The following KRTAP16-1 variants were observed in gnomAD, a reference collection of about 807,000 sequenced individuals.
The protein encoded by KRTAP16-1 is keratin associated protein 16-1.
For missense variants in KRTAP16-1, 675 were observed against 657.7 expected (o/e 1.03, Z -0.29); for synonymous variants, 262 against 248.0 (o/e 1.06, Z -0.53).
At position 41,308,005 on chromosome 17, in the gene KRTAP16-1, T is replaced by C. The variant is rs2016927163; in HGVS notation, c.1249A>G (p.Thr417Ala). 1.2e-5 allele frequency: 18 copies of C among 1,550,540 alleles called. No homozygotes were observed. The highest frequency in any genetic ancestry group is 1.5e-5 in the Non-Finnish European group (17 of 1,146,972). Residue 417 changes from threonine to alanine, a missense_variant, in exon 1 of 1, where the codon ACA (threonine) becomes GCA (alanine). Coordinates refer to ENST00000391352, the MANE Select transcript of KRTAP16-1 (RefSeq NM_001146182.2). ...CAGGCAGGACGGTAGGAGATGGATGTCATGTATGGCTGCCTATAGGTGAGG... is the reference window on the plus strand; with the variant it reads ...CAGGCAGGACGGTAGGAGATGGATGCCATGTATGGCTGCCTATAGGTGAGG... ...GLLTYRQPYM[T>A]SISYRPACYR...
chr17:41,308,303 G>A lies in KRTAP16-1; in HGVS notation c.951C>T (p.Ser317=), dbSNP rs1598076433. The stretch of plus-strand genomic sequence containing the variant: ...ACACACAGACAGCTGGTGAGCAGGG[G>A]CTGGGCTCAGAGCAGATGGGTTGGC... ...SICQPICSEP[S]PCSPAVCVSS... is the part of the protein sequence containing the mutation. Residue 317 remains serine (S), a synonymous_variant, in exon 1 of 1, where the codon AGC becomes AGT. Coordinates refer to ENST00000391352, the MANE Select transcript of KRTAP16-1 (RefSeq NM_001146182.2). The A allele has an allele frequency of 1.3e-6, 2 of 1,550,754 alleles. No homozygotes were observed. The highest frequency in any genetic ancestry group is 1.7e-6 in the Non-Finnish European group (2 of 1,147,008).
In KRTAP16-1 at chr17:41,307,726, C is replaced by T; in HGVS notation, c.1528G>A (p.Ala510Thr). 6.5e-7 allele frequency: 1 copy of T among 1,531,404 alleles called. No individual in the cohort carries two copies. Among genetic ancestry groups the T allele is most frequent in the Non-Finnish European group, 8.8e-7 (1 of 1,137,566 alleles). The allele number at this position is 1,531,404 out of a possible 1,614,324, so 94.9% of individuals were successfully genotyped here. A position where few individuals can be genotyped will look rare whatever the true frequency, so the allele number is the denominator to read the frequency against. The change falls in exon 1 of 1, where the codon GCT (alanine) becomes ACT (threonine). Residue 510 changes from alanine to threonine, a missense_variant. Transcript: ENST00000391352. ...TAGCAGTTGGCAGGCTTGCTGGCAG[C>T]AGGCTGAGCTGCTGCGGCCTCACGG... ...TTREAAAAQP[A>T]ASKPANC
In KRTAP16-1 at chr17:41,308,665, T is replaced by C; in HGVS notation, c.589A>G (p.Ser197Gly). 6.4e-7 allele frequency: 1 copy of C among 1,550,750 alleles called. No homozygotes were observed. The highest frequency in any genetic ancestry group is 8.7e-7 in the Non-Finnish European group (1 of 1,147,042). ...TSCQPVLCKS[S>G]CCQPVVCEPS... ...TCACAGACAACTGGCTGGCAGCAGC[T>C]GGATTTGCAGAGGACAGGCTGGCAG... Residue 197 changes from serine to glycine, a missense_variant, in exon 1 of 1, where the codon AGC (serine) becomes GGC (glycine). Physicochemically the swap from Ser to Gly is moderately conservative, Grantham distance 56. Transcript: ENST00000391352.
At position 41,308,036 on chromosome 17, in the gene KRTAP16-1, A is replaced by G. The variant is rs1176056440; in HGVS notation, c.1218T>C (p.Ser406=). The G allele has an allele frequency of 1.3e-6, 2 of 1,550,586 alleles. No individual in the cohort carries two copies. The highest frequency in any genetic ancestry group is 1.7e-6 in the Non-Finnish European group (2 of 1,147,014). Residue 406 remains serine (S), a synonymous_variant, in exon 1 of 1, where the codon TCT becomes TCC. Transcript: ENST00000391352. ...VSRPICRPIC[S]GLLTYRQPYM... ...ATGGCTGCCTATAGGTGAGGAGTCC[A>G]GAGCAGATTGGGCGGCAGATCGGAC...
At position 41,308,388 on chromosome 17, in the gene KRTAP16-1, C is replaced by A; in HGVS notation, c.866G>T (p.Cys289Phe). 1 of 1,550,558 alleles carries A rather than the reference C, an allele frequency of 6.4e-7. No homozygotes were observed. Among genetic ancestry groups the A allele is most frequent in the Non-Finnish European group, 8.7e-7 (1 of 1,146,960 alleles). ...LRPVCCVQSSCEPPSVPSTCQ... is the reference protein window; with the variant it reads ...LRPVCCVQSSFEPPSVPSTCQ... ...AGTGCTGGGGACAGAAGGTGGCTCG[C>A]ACGAGCTCTGAACACAGCAGACAGG... The change falls in exon 1 of 1, where the codon TGC becomes TTC. Residue 289 changes from cysteine (C) to phenylalanine (F), a missense_variant. Transcript: ENST00000391352.
In KRTAP16-1 at chr17:41,308,961, G is replaced by A. The variant is rs551455313; in HGVS notation, c.293C>T (p.Thr98Ile). 2.0e-5 allele frequency: 31 copies of A among 1,550,212 alleles called. No homozygotes were observed. The highest frequency in any genetic ancestry group is 1.8e-4 in the African/African-American group (13 of 73,030). The change falls in exon 1 of 1, where the codon ACC (threonine) becomes ATC (isoleucine). Residue 98 changes from threonine to isoleucine, a missense_variant. By Grantham distance (89) the Thr-to-Ile change is moderately conservative. Transcript: ENST00000391352. ...GCQPVCCEAT[T>I]CEPSCSVSNC... ...GCTCACAGAGCAAGAAGGCTCACAG[G>A]TGGTGGCCTCACAGCACACGGGTTG...
chr17:41,307,811 C>T lies in KRTAP16-1; in HGVS notation c.1443G>A (p.Val481=). The T allele has an allele frequency of 6.4e-7, 1 of 1,550,742 alleles. No individual in the cohort carries two copies. Among genetic ancestry groups the T allele is most frequent in the Non-Finnish European group, 8.7e-7 (1 of 1,147,014 alleles). Residue 481 remains valine (V), a synonymous_variant, in exon 1 of 1, where the codon GTG becomes GTA. Transcript: ENST00000391352. ...GGCAGGGAGCCTCTTCTGAGACATCCACCTTGCAGGGGGTTGTGTCAACAC... is the reference window on the plus strand; with the variant it reads ...GGCAGGGAGCCTCTTCTGAGACATCTACCTTGCAGGGGGTTGTGTCAACAC... ...LDCVDTTPCK[V]DVSEEAPCQP...
rs1567653643 is a variant in KRTAP16-1, at chr17:41,309,089, C to A, written c.165G>T (p.Gly55=). The A allele has an allele frequency of 1.9e-6, 3 of 1,550,634 alleles. No homozygotes were observed. Among genetic ancestry groups the A allele is most frequent in the Non-Finnish European group, 2.6e-6 (3 of 1,146,998 alleles). ...GACAGGAGGGCTGACGGCACTGTGG[C>A]CCACAGCTGGATGATCCACAGCTGT... ...CQDSCGSSSC[G]PQCRQPSCPV... is the part of the protein sequence containing the mutation. Residue 55 remains glycine, a synonymous_variant, in exon 1 of 1, where the codon GGG becomes GGT. Transcript: ENST00000391352.
Position 41,309,304 on chromosome 17 carries a change from C to A in KRTAP16-1, c.-51G>T. 1 of 1,317,182 alleles carries A rather than the reference C, an allele frequency of 7.6e-7. No homozygotes were observed. The highest frequency in any genetic ancestry group is 1.0e-6 in the Non-Finnish European group (1 of 967,818). The allele number at this position is 1,317,182 out of a possible 1,614,324, so 81.6% of individuals were successfully genotyped here. A position where few individuals can be genotyped will look rare whatever the true frequency, so the allele number is the denominator to read the frequency against. On this transcript the variant is annotated 5_prime_UTR_variant, in exon 1 of 1. Transcript: ENST00000391352. ...GCTGAGTGCTGAGAGGTTGCTGCCT[C>A]ACTGTGACAGCTCCCTGAGGCCCTC...
Position 41,308,880 on chromosome 17 carries a change from A to G in KRTAP16-1, c.374T>C (p.Val125Ala), listed in dbSNP as rs2016945889. 1 of 1,548,578 alleles carries G rather than the reference A, an allele frequency of 6.5e-7. No homozygotes were observed. Among genetic ancestry groups the G allele is most frequent in the Non-Finnish European group, 8.7e-7 (1 of 1,145,224 alleles). ...EATICEPSCS[V>A]SNCCQPVCFE... is the part of the protein sequence containing the mutation. ...GCACACAGGTTGGCAGCAGTTGCTC[A>G]CTGAGCAAGAAGGCTCACAGATGGT... Residue 125 changes from valine (V) to alanine (A), a missense_variant, in exon 1 of 1, where the codon GTG (valine) becomes GCG (alanine). By Grantham distance (64) the Val-to-Ala change is moderately conservative. Transcript: ENST00000391352.
At position 41,308,146 on chromosome 17, in the gene KRTAP16-1, G is replaced by A. The variant is rs566501973; in HGVS notation, c.1108C>T (p.Arg370Ter). 30 of 1,550,592 alleles carry A rather than the reference G, an allele frequency of 1.9e-5. No homozygotes were observed. The highest frequency in any genetic ancestry group is 7.3e-5 in the East Asian group (3 of 40,920). ...SPGSSASAIC[R>*]PTCPRTFYIP... is the part of the protein sequence containing the mutation. ...TAGAAAGTCCTAGGACAAGTTGGTCGGCAGATGGCAGATGCAGAAGACCCT... is the reference window on the plus strand; with the variant it reads ...TAGAAAGTCCTAGGACAAGTTGGTCAGCAGATGGCAGATGCAGAAGACCCT... Residue 370 changes from arginine to a stop codon, truncating the protein, a stop_gained, in exon 1 of 1, where the codon CGA (arginine) becomes TGA (stop). Transcript: ENST00000391352. LOFTEE classifies it low-confidence loss of function (END_TRUNC).
In KRTAP16-1 at chr17:41,309,064, G is replaced by C; in HGVS notation, c.190C>G (p.Pro64Ala). 1 of 1,550,678 alleles carries C rather than the reference G, an allele frequency of 6.4e-7. No homozygotes were observed. Residue 64 changes from proline (P) to alanine (A), a missense_variant, in exon 1 of 1, where the codon CCT (proline) becomes GCT (alanine). Transcript: ENST00000391352. Reference sequence around the variant, plus strand: ...AGGGGTTGGGCACAGCTACTCACAGGACAGGAGGGCTGACGGCACTGTGGC... The same window carrying C: ...AGGGGTTGGGCACAGCTACTCACAGCACAGGAGGGCTGACGGCACTGTGGC... Reference protein sequence around the residue: ...CGPQCRQPSCPVSSCAQPLCC... With the variant: ...CGPQCRQPSCAVSSCAQPLCC...
In KRTAP16-1 at chr17:41,309,084, T is replaced by C. The variant is rs538852770; in HGVS notation, c.170A>G (p.Gln57Arg). The change falls in exon 1 of 1, where the codon CAG (glutamine) becomes CGG (arginine). Residue 57 changes from glutamine to arginine, a missense_variant. Coordinates refer to ENST00000391352, the MANE Select transcript of KRTAP16-1 (RefSeq NM_001146182.2). ...CACAGGACAGGAGGGCTGACGGCAC[T>C]GTGGCCCACAGCTGGATGATCCACA... Reference protein sequence around the residue: ...DSCGSSSCGPQCRQPSCPVSS... With the variant: ...DSCGSSSCGPRCRQPSCPVSS... The C allele has an allele frequency of 1.3e-6, 2 of 1,550,582 alleles. No homozygotes were observed. Among genetic ancestry groups the C allele is most frequent in the African/African-American group, 2.7e-5 (2 of 73,182 alleles).
Position 41,308,647 on chromosome 17 carries a change from C to T in KRTAP16-1, c.607G>A (p.Val203Ile). The stretch of plus-strand genomic sequence containing the variant: ...GCTGAACAGCAGCTGGGCTCACAGA[C>T]AACTGGCTGGCAGCAGCTGGATTTG... ...LCKSSCCQPV[V>I]CEPSCCSAVC... Residue 203 changes from valine (V) to isoleucine (I), a missense_variant, in exon 1 of 1, where the codon GTC becomes ATC. Val to Ile is a conservative substitution (Grantham distance 29, BLOSUM62 3). Transcript: ENST00000391352. 1 of 1,550,884 alleles carries T rather than the reference C, an allele frequency of 6.4e-7. No homozygotes were observed. Among genetic ancestry groups the T allele is most frequent in the Non-Finnish European group, 8.7e-7 (1 of 1,147,096 alleles).
rs761358097 is a variant in KRTAP16-1, at chr17:41,308,160, G to A, written c.1094C>T (p.Ala365Val). The A allele has an allele frequency of 7.1e-6, 11 of 1,550,672 alleles. 1 individual carries two copies. In the South Asian group the frequency reaches 1.3e-4, roughly 18 times the overall value. ...ACAAGTTGGTCGGCAGATGGCAGAT[G>A]CAGAAGACCCTGGACTGCAGGAAAG... is the stretch of plus-strand genomic sequence containing the variant. The part of the protein sequence containing the change: ...RPLSCSPGSS[A>V]SAICRPTCPR... Residue 365 changes from alanine to valine, a missense_variant, in exon 1 of 1, where the codon GCA becomes GTA. Coordinates refer to ENST00000391352, the MANE Select transcript of KRTAP16-1 (RefSeq NM_001146182.2).
rs2016935648 is a variant in KRTAP16-1 at position 41,308,384 on chromosome 17, C to T, written c.870G>A (p.Glu290=). 6.4e-7 allele frequency: 1 copy of T among 1,550,408 alleles called. No homozygotes were observed. ...GGCAAGTGCTGGGGACAGAAGGTGGCTCGCACGAGCTCTGAACACAGCAGA... is the reference window on the plus strand; with the variant it reads ...GGCAAGTGCTGGGGACAGAAGGTGGTTCGCACGAGCTCTGAACACAGCAGA... ...RPVCCVQSSC[E]PPSVPSTCQE... The change falls in exon 1 of 1, where the codon GAG becomes GAA. Residue 290 remains glutamate (E), a synonymous_variant. Coordinates refer to ENST00000391352, the MANE Select transcript of KRTAP16-1 (RefSeq NM_001146182.2).
chr17:41,308,017 G>A lies in KRTAP16-1; in HGVS notation c.1237C>T (p.Gln413Ter), dbSNP rs1211194353. The A allele has an allele frequency of 1.9e-6, 3 of 1,550,568 alleles. No individual in the cohort carries two copies. The highest frequency in any genetic ancestry group is 2.6e-6 in the Non-Finnish European group (3 of 1,147,024). ...TAGGAGATGGATGTCATGTATGGCT[G>A]CCTATAGGTGAGGAGTCCAGAGCAG... The part of the protein sequence containing the change: ...PICSGLLTYR[Q>*]PYMTSISYRP... Residue 413 changes from glutamine (Q) to a stop codon, truncating the protein, a stop_gained, in exon 1 of 1, where the codon CAG becomes TAG. Coordinates refer to ENST00000391352, the MANE Select transcript of KRTAP16-1 (RefSeq NM_001146182.2). LOFTEE classifies it low-confidence loss of function (END_TRUNC).
chr17:41,308,726 G>A lies in KRTAP16-1; in HGVS notation c.528C>T (p.Ala176=), dbSNP rs1446435136. The A allele has an allele frequency of 7.7e-6, 12 of 1,550,584 alleles. No individual in the cohort carries two copies. The highest frequency in any genetic ancestry group is 1.0e-5 in the Non-Finnish European group (12 of 1,147,010). The part of the protein sequence containing the change: ...SSCCQPVGSE[A]TSCQPVLCVP... ...CACAGAGGACTGGTTGGCAGGAAGT[G>A]GCTTCAGAGCCTACAGGCTGGCAGC... is the stretch of plus-strand genomic sequence containing the variant. The change falls in exon 1 of 1, where the codon GCC becomes GCT. Residue 176 remains alanine, a synonymous_variant. Transcript: ENST00000391352.
chr17:41,308,415 C>A lies in KRTAP16-1; in HGVS notation c.839G>T (p.Arg280Leu), dbSNP rs1185882526. Residue 280 changes from arginine to leucine, a missense_variant, in exon 1 of 1, where the codon CGC (arginine) becomes CTC (leucine). Physicochemically the swap from Arg to Leu is moderately radical, Grantham distance 102 (BLOSUM62 -2). Coordinates refer to ENST00000391352, the MANE Select transcript of KRTAP16-1 (RefSeq NM_001146182.2). Reference sequence around the variant, plus strand: ...CGAGCTCTGAACACAGCAGACAGGGCGGAGGCAAACTGGCTCACAGACCAG... The same window carrying A: ...CGAGCTCTGAACACAGCAGACAGGGAGGAGGCAAACTGGCTCACAGACCAG... ...VALVCEPVCL[R>L]PVCCVQSSCE... 1.9e-6 allele frequency: 3 copies of A among 1,550,592 alleles called. No individual in the cohort carries two copies. Among genetic ancestry groups the A allele is most frequent in the Admixed American group, 3.9e-5 (2 of 51,000 alleles).
Sources: gnomAD v4.1 joint callset for allele counts on GRCh38, gnomAD v4.1.1 for gene constraint, MANE v1.5 for transcripts, NCBI Gene and HGNC (gene_info 2026-07-23, HGNC 2026-07-21) for gene names.